C16orf96: variants seen among roughly 807,000 people sequenced by gnomAD.
C16orf96 encodes chromosome 16 open reading frame 96.
Under a neutral mutation model 103.6 loss-of-function variants are expected in C16orf96, and 108 were observed. The ratio of observed to expected loss-of-function variants is 1.04; its 90% CI spans 0.89 to 1.22. The LOEUF is 1.22. Ranked by LOEUF, C16orf96 falls within the 50% of genes most tolerant of loss-of-function variation. C16orf96 has a pLI of 0.00. For missense variants in C16orf96, 1,586 were observed against 1,464.2 expected (o/e 1.08, Z -1.36); for synonymous variants, 566 against 593.5 (o/e 0.95, Z 0.67).
intron 2 of C16orf96, among the ~76,000 whole-genome samples, chr16:4,573,438 CAAA>C (rs71139644): frequency 0.027 from 1,885 of 69,722 alleles, 21 homozygotes; most frequent in Non-Finnish European, 0.036. Context: ...GACTCCGTCT[CAAA>C]AAAAAAAAAA....
chr16:4,543,843 T>C, the C16orf96 span, among the ~76,000 whole-genome samples: 1 of 149,078 alleles, frequency 6.7e-6, no homozygotes, highest in African/African-American at 2.5e-5. Flanking sequence ...GGTTTCACCA[T>C]GTTGGCCAGG....
chr16:4,547,689 C>T, the C16orf96 span, among the ~76,000 whole-genome samples: 243 of 22,566 alleles, frequency 0.011, 11 homozygotes, highest in African/African-American at 0.023. Flanking sequence ...TCCTTCCTTC[C>T]TTCTTTCTTT....
At chr16:4,547,535 G>A in the C16orf96 span, among the ~76,000 whole-genome samples, 1 of 152,210 alleles carries the variant, frequency 6.6e-6, no homozygotes. Context: ...TAGGGCGTGG[G>A]GAGTTCAGGC....
intron 7 of C16orf96, 72 bp downstream of exon 7, chr16:4,580,197 C>A: frequency 8.1e-7 from 1 of 1,231,532 alleles, no homozygotes; most frequent in Non-Finnish European, 1.1e-6. Flanking sequence ...TCTGGCCCTT[C>A]CCGAAGGTTC....
At chr16:4,542,578 C>G in the C16orf96 span, among the ~76,000 whole-genome samples, 1 of 152,064 alleles carries the variant, frequency 6.6e-6, no homozygotes, top group Non-Finnish European at 1.5e-5. Context: ...GGGCAGATCA[C>G]CTGAGGTCAG....
At chr16:4,565,896 TC>T (rs1156472458) in intron 1 of C16orf96, among the ~76,000 whole-genome samples, 1 of 152,218 alleles carries the variant, frequency 6.6e-6, no homozygotes, top group Non-Finnish European at 1.5e-5. Flanking sequence ...TGGCTGAAGT[TC>T]AGTGGTGCCA....
At chr16:4,591,510 A>C (rs994151709) in intron 9 of C16orf96, among the ~76,000 whole-genome samples, 156 bp from the exon 10 acceptor site, 9 of 152,062 alleles carry the variant, frequency 5.9e-5, no homozygotes, top group African/African-American at 2.2e-4. Flanking sequence ...GCCTCATCGA[A>C]GCTGTGTCAT....
At chr16:4,574,348 G>A (rs963206032) in intron 2 of C16orf96, among the ~76,000 whole-genome samples, 1 of 152,168 alleles carries the variant, frequency 6.6e-6, no homozygotes, top group Non-Finnish European at 1.5e-5. Flanking sequence ...TCAGCTTCCT[G>A]ATAGCTGGGA....
chr16:4,585,312 ATC>A (rs1896898514), intron 7 of C16orf96, among the ~76,000 whole-genome samples: 11 of 109,940 alleles, frequency 1.0e-4, no homozygotes, highest in African/African-American at 3.5e-4. Context: ...AAAAAAAAAA[ATC>A]CAGGTAGGTG....
At chr16:4,564,195 G>A (rs184036737) in intron 1 of C16orf96, among the ~76,000 whole-genome samples, 2 of 152,114 alleles carry the variant, frequency 1.3e-5, no homozygotes, top group East Asian at 3.9e-4. Flanking sequence ...AAAGATTAGT[G>A]GTAACTGGTT....
At chr16:4,552,496 A>G (rs905766531), upstream of C16orf96, among the ~76,000 whole-genome samples, 3 of 151,838 alleles carry the variant, frequency 2.0e-5, no homozygotes, top group African/African-American at 7.3e-5. Context: ...AAAAAAAAAA[A>G]AAAAAGAAAC....
chr16:4,579,117 G>A, intron 6 of C16orf96, 92 bp downstream of exon 6: 1 of 1,151,526 alleles, frequency 8.7e-7, no homozygotes, highest in Middle Eastern at 2.0e-4. Context: ...CCCAGGTGCA[G>A]CTGTGTTCTG....
intron 9 of C16orf96, among the ~76,000 whole-genome samples, chr16:4,590,415 G>A (rs11864807): frequency 0.1 from 15,354 of 150,992 alleles, 1,673 homozygotes; most frequent in African/African-American, 0.28. Flanking sequence ...AAAACTAGCC[G>A]GATGTGGTAG....
intron 2 of C16orf96, among the ~76,000 whole-genome samples, chr16:4,573,318 A>G (rs1214967500): frequency 6.6e-6 from 1 of 151,888 alleles, no homozygotes; most frequent in Non-Finnish European, 1.5e-5. Flanking sequence ...AGGCACCCGT[A>G]ACCCCAGCTA....
At chr16:4,594,682 C>G (rs577945817) in intron 13 of C16orf96, 22 bp from the exon 14 acceptor site, 4 of 1,550,584 alleles carry the variant, frequency 2.6e-6, no homozygotes, top group African/African-American at 2.7e-5. Flanking sequence ...CTCCCTAACC[C>G]GGGACCTGGG....
upstream of C16orf96, among the ~76,000 whole-genome samples, chr16:4,555,960 A>C (rs2059258940): frequency 6.6e-6 from 1 of 151,948 alleles, no homozygotes; most frequent in African/African-American, 2.4e-5. Flanking sequence ...TTGCCTCCCC[A>C]AAGTGCTGGG....
At chr16:4,592,395 G>A (rs748496563) in intron 11 of C16orf96, 28 bp downstream of exon 11, 17 of 1,551,038 alleles carry the variant, frequency 1.1e-5, no homozygotes. Flanking sequence ...GGGTGCCCCG[G>A]CCCTAAGGGC....
chr16:4,591,792 C>A lies in C16orf96; in HGVS notation c.2711+8C>A. On this transcript the variant is annotated splice_region_variant and intron_variant, in intron 10 of 15. Coordinates refer to ENST00000444310, the MANE Select transcript of C16orf96 (RefSeq NM_001145011.2). ...TGCTGCTGGCTTTAGGAGGTGAGTGCCCGCCCGAGCCCCTCCTGGTAGGGG... is the reference window on the plus strand; with the variant it reads ...TGCTGCTGGCTTTAGGAGGTGAGTGACCGCCCGAGCCCCTCCTGGTAGGGG... 6.7e-7 allele frequency: 1 copy of A among 1,495,900 alleles called. No homozygotes were observed. Among genetic ancestry groups the A allele is most frequent in the South Asian group, 1.2e-5 (1 of 81,592 alleles). The allele number at this position is 1,495,900 out of a possible 1,614,324, so 92.7% of individuals were successfully genotyped here.
Position 4,556,529 on chromosome 16 carries a change from G to A in C16orf96, c.40G>A (p.Ala14Thr), listed in dbSNP as rs576895789. Reference protein sequence around the residue: ...SLTFTELANIAIPQCGVLNFK... With the variant: ...SLTFTELANITIPQCGVLNFK... ...CACGTTCACCGAGCTGGCCAACATC[G>A]CCATCCCACAGTGCGGGGTGCTGAA... The change falls in exon 1 of 16, where the codon GCC (alanine) becomes ACC (threonine). Residue 14 changes from alanine (A) to threonine (T), a missense_variant. Physicochemically the swap from Ala to Thr is moderately conservative, Grantham distance 58. Coordinates refer to ENST00000444310, the MANE Select transcript of C16orf96 (RefSeq NM_001145011.2). 151 of 1,541,074 alleles carry A rather than the reference G, an allele frequency of 9.8e-5. No homozygotes were observed. Among genetic ancestry groups the A allele is most frequent in the Non-Finnish European group, 1.2e-4 (139 of 1,138,774 alleles).
Sources: gnomAD v4.1 joint callset for allele counts (sites outside exome capture counted in the v4.1 genomes callset) on GRCh38, gnomAD v4.1.1 for gene constraint, MANE v1.5 for transcripts, NCBI Gene and HGNC (gene_info 2026-07-23, HGNC 2026-07-21) for gene names.